The following KCNIP1 variants were observed in gnomAD, a reference collection of about 807,000 sequenced individuals.
The protein encoded by KCNIP1 is A-type potassium channel modulatory protein KCNIP1.
In KCNIP1, 18 loss-of-function variants were observed where a neutral mutation model predicts 33.0. The observed-to-expected ratio is 0.55, with a 90% CI of 0.38 to 0.81. KCNIP1 has a LOEUF of 0.81. Among genes scored for constraint, KCNIP1 ranks in the 30% least tolerant of loss-of-function variants. KCNIP1 has a pLI of 0.00. For synonymous variants in KCNIP1, 93 were observed against 98.3 expected (o/e 0.95, Z 0.32); for missense variants, 238 against 271.6 (o/e 0.88, Z 0.87).
chr5:170,624,271 A>G (rs1384884191), intron 1 of KCNIP1, among the ~76,000 whole-genome samples: 1 of 152,196 alleles, frequency 6.6e-6, no homozygotes, highest in African/African-American at 2.4e-5. Context: ...TAGCCATTCT[A>G]GGTGCAGGGG....
At chr5:170,462,925 T>C (rs940811060) in intron 1 of KCNIP1, among the ~76,000 whole-genome samples, 8 of 152,122 alleles carry the variant, frequency 5.3e-5, no homozygotes, top group African/African-American at 1.9e-4. Context: ...ACTATGAGGA[T>C]GCAAAGGCAT....
At chr5:170,649,580 A>G (rs1233381260) in intron 1 of KCNIP1, among the ~76,000 whole-genome samples, 2 of 152,174 alleles carry the variant, frequency 1.3e-5, no homozygotes, top group East Asian at 1.9e-4. Flanking sequence ...GATGTCATCT[A>G]TTCCCCAAAT....
At chr5:170,559,471 C>A (rs1207738265) in intron 1 of KCNIP1, among the ~76,000 whole-genome samples, 1 of 152,094 alleles carries the variant, frequency 6.6e-6, no homozygotes, top group South Asian at 2.1e-4. Context: ...ATGGGCCCAC[C>A]CTCCCTTTGT....
At chr5:170,672,581 A>C (rs990336973) in intron 1 of KCNIP1, among the ~76,000 whole-genome samples, 2 of 152,292 alleles carry the variant, frequency 1.3e-5, no homozygotes, top group African/African-American at 4.8e-5. Flanking sequence ...TGCTGCTGAG[A>C]GTTGCAAATG....
At chr5:170,705,276 T>A (rs1190140495) in intron 1 of KCNIP1, among the ~76,000 whole-genome samples, 3 of 152,202 alleles carry the variant, frequency 2.0e-5, no homozygotes, top group African/African-American at 7.2e-5. Context: ...CAGAGCTGAA[T>A]CCTGGAGAGG....
chr5:170,457,010 A>T (rs1756398005), intron 1 of KCNIP1, among the ~76,000 whole-genome samples: 1 of 152,126 alleles, frequency 6.6e-6, no homozygotes, highest in South Asian at 2.1e-4. Flanking sequence ...CCAGCTGGTT[A>T]TTTCAAAAGA....
intron 1 of KCNIP1, among the ~76,000 whole-genome samples, chr5:170,598,896 T>TGTGCGCGC (rs1409491593): frequency 1.6e-5 from 2 of 121,382 alleles, no homozygotes; most frequent in Non-Finnish European, 3.7e-5. Flanking sequence ...CCGCTGTGTG[T>TGTGCGCGC]GTGTGCGCGT....
chr5:170,736,461 C>A lies in KCNIP1; in HGVS notation c.*655C>A, dbSNP rs1357492546. ...TGGCATTTGTGCTGGTAGTACAAGT[C>A]CTTTAATATGTCCAGGAAGGGAGCC... On this transcript the variant is annotated 3_prime_UTR_variant, in exon 8 of 8. Transcript: ENST00000328939. 1.3e-5 allele frequency: 2 copies of A among 152,564 alleles called. No homozygotes were observed. The highest frequency in any genetic ancestry group is 4.8e-5 in the African/African-American group (2 of 41,436). The allele number at this position is 152,564 out of a possible 1,614,324, so 9.5% of individuals were successfully genotyped here. A position where few individuals can be genotyped will look rare whatever the true frequency, so the allele number is the denominator to read the frequency against.
chr5:170,727,470 AATTTG>A (rs1338016512), intron 5 of KCNIP1, among the ~76,000 whole-genome samples: 1 of 152,226 alleles, frequency 6.6e-6, no homozygotes, highest in Non-Finnish European at 1.5e-5. Context: ...TGCTCCAATA[AATTTG>A]ATTTATTTGT....
chr5:170,385,218 GT>G (rs1422770640), intron 1 of KCNIP1: 2 of 1,351,748 alleles, frequency 1.5e-6, no homozygotes, highest in African/African-American at 2.9e-5. Flanking sequence ...TTGAATGAGG[GT>G]CAAGGAGAGG....
intron 1 of KCNIP1, among the ~76,000 whole-genome samples, chr5:170,464,117 C>T (rs1005114948): frequency 6.6e-6 from 1 of 152,088 alleles, no homozygotes; most frequent in African/African-American, 2.4e-5. Flanking sequence ...ATACTCTAAA[C>T]ACGACAAAAT....
chr5:170,657,837 C>T (rs1761329034), intron 1 of KCNIP1, among the ~76,000 whole-genome samples: 2 of 152,188 alleles, frequency 1.3e-5, no homozygotes, highest in Non-Finnish European at 1.5e-5. Context: ...ACTTTGACTG[C>T]ACAGCAACCC....
At chr5:170,709,824 C>T (rs1006067008) in intron 1 of KCNIP1, among the ~76,000 whole-genome samples, 11 of 152,056 alleles carry the variant, frequency 7.2e-5, no homozygotes, top group African/African-American at 1.7e-4. Flanking sequence ...AACTTTTCAT[C>T]GCGTCTCATA....
intron 1 of KCNIP1, among the ~76,000 whole-genome samples, chr5:170,587,353 T>G (rs187534793): frequency 7.6e-6 from 1 of 132,422 alleles, no homozygotes; most frequent in East Asian, 2.2e-4. Context: ...AACCATGAGG[T>G]GGAGGTTGCA....
chr5:170,537,004 G>T (rs1431289154), intron 1 of KCNIP1, among the ~76,000 whole-genome samples: 1 of 152,152 alleles, frequency 6.6e-6, no homozygotes, highest in Admixed American at 6.5e-5. Context: ...CCAGAATGTG[G>T]CTTTGCAAAG....
intron 1 of KCNIP1, among the ~76,000 whole-genome samples, chr5:170,705,681 G>A (rs770420129): frequency 7.9e-5 from 12 of 152,074 alleles, no homozygotes; most frequent in Non-Finnish European, 1.0e-4. Flanking sequence ...TCCTATTCAT[G>A]TCCAACCTCA....
chr5:170,711,919 T>C (rs769610578), intron 1 of KCNIP1, among the ~76,000 whole-genome samples: 8 of 152,100 alleles, frequency 5.3e-5, no homozygotes, highest in South Asian at 2.1e-4. Flanking sequence ...GGGTTGCAGA[T>C]TGGGGGACAG....
chr5:170,390,517 A>AAAAAAAATAT lies in KCNIP1; in HGVS notation c.88+36554_88+36555insAAAAAATATA. On this transcript the variant is annotated intron_variant, in intron 1 of 7. Transcript: ENST00000377360. ...GACCCCGTCTCAAAAAAAAAAAACA[A>AAAAAAAATAT]ATATATATATATATATATATATTTT... Among the ~76,000 whole-genome samples the AAAAAAAATAT allele has an allele frequency of 1.9e-4, 14 of 74,542 alleles. 1 individual carries two copies. The highest frequency in any genetic ancestry group is 4.1e-4 in the East Asian group (1 of 2,428). 48.9% of individuals were successfully genotyped at this position (74,542 alleles called of 152,430 possible).
At chr5:170,649,748 G>C (rs1476196733) in intron 1 of KCNIP1, among the ~76,000 whole-genome samples, 4 of 152,162 alleles carry the variant, frequency 2.6e-5, no homozygotes, top group African/African-American at 9.7e-5. Flanking sequence ...GTACAATCCT[G>C]TTGTAACCAA....
Sources: gnomAD v4.1 joint callset for allele counts (sites outside exome capture counted in the v4.1 genomes callset) on GRCh38, gnomAD v4.1.1 for gene constraint, MANE v1.5 for transcripts, NCBI Gene and HGNC (gene_info 2026-07-23, HGNC 2026-07-21) for gene names.